VPS13C: variants seen among roughly 807,000 people sequenced by gnomAD.
VPS13C encodes intermembrane lipid transfer protein VPS13C.
Under a neutral mutation model 456.8 loss-of-function variants are expected in VPS13C, and 358 were observed. The observed-to-expected ratio is 0.78, with a 90% confidence interval of 0.72 to 0.86. The LOEUF is 0.86. Among genes scored for constraint, VPS13C ranks in the 40% least tolerant of loss-of-function variants. The pLI, the probability that VPS13C is intolerant of heterozygous loss-of-function variation, is 0.00. For synonymous variants in VPS13C, 1,578 were observed against 1,486.7 expected, an observed-to-expected ratio of 1.06 and a Z score of -1.41; for missense variants, 4,818 against 4,385.4, an observed-to-expected ratio of 1.10 and a Z score of -2.79.
intron 35 of VPS13C, among the ~76,000 whole-genome samples, chr15:61,961,145 T>C (rs2045185140): frequency 6.6e-6 from 1 of 150,990 alleles, no homozygotes; most frequent in Admixed American, 6.6e-5. Flanking sequence ...TCCCAGCACT[T>C]TGGGGGTCCA....
chr15:61,856,474 T>C, intron 82 of VPS13C, 65 bp from the exon 83 acceptor site: 1 of 1,588,142 alleles, frequency 6.3e-7, no homozygotes, highest in Non-Finnish European at 8.6e-7. Flanking sequence ...TTGCCAATAT[T>C]TCACCCTACT....
At chr15:61,952,034 G>A (rs193281537) in intron 38 of VPS13C, 54 bp from the exon 39 acceptor site, 111 of 1,569,006 alleles carry the variant, frequency 7.1e-5, no homozygotes, top group East Asian at 2.9e-4. Context: ...TGCAATGAAG[G>A]TAAGTCAAGA....
At position 61,978,602 on chromosome 15, in the gene VPS13C, C is replaced by A. The variant is rs369078477; in HGVS notation, c.2290+24G>T. 5.6e-5 allele frequency: 90 copies of A among 1,604,978 alleles called. No homozygotes were observed. The African/African-American group carries it at 1.1e-3, about 20-fold the overall frequency. On this transcript the variant is annotated intron_variant, in intron 23 of 84. Transcript: ENST00000644861. ...AAACTACCCATCATAATCCCAAGAT[C>A]CTAAAAGCTGAATAACGGTTTACCT...
Position 61,931,129 on chromosome 15 carries a change from A to G in VPS13C, c.5999T>C (p.Leu2000Pro). ...CTCAATTCCTTCTCTGAGATCATCA[A>G]GGGTGCATGTCTTAAGTTTAACGCT... ...NVSVKLKTCT[L>P]DDLREGIERA... Residue 2000 changes from leucine to proline, a missense_variant, in exon 50 of 85, where the codon CTT (leucine) becomes CCT (proline). Leu to Pro is a moderately conservative substitution (Grantham distance 98). Coordinates refer to ENST00000644861, the MANE Select transcript of VPS13C (RefSeq NM_020821.3). 6.2e-7 allele frequency: 1 copy of G among 1,614,128 alleles called. No homozygotes were observed.
rs142926355 is a variant in VPS13C at position 62,046,470 on chromosome 15, T to G, written c.101-2215A>C. 6.4e-3 allele frequency among the ~76,000 whole-genome samples: 974 copies of G among 152,286 alleles called. 8 individuals carry two copies. Among genetic ancestry groups the G allele is most frequent in the African/African-American group, 0.022 (920 of 41,558 alleles). On this transcript the variant is annotated intron_variant, in intron 1 of 84. Transcript: ENST00000644861. Reference sequence around the variant, plus strand: ...TGTCACATGATGAATTACACAAAATTACAATTGGGAAGTCTATTCTAGCCT... The same window carrying G: ...TGTCACATGATGAATTACACAAAATGACAATTGGGAAGTCTATTCTAGCCT...
chr15:61,873,153 G>T, intron 78 of VPS13C, 93 bp downstream of exon 78: 1 of 1,548,458 alleles, frequency 6.5e-7, no homozygotes, highest in South Asian at 1.2e-5. Flanking sequence ...TACAGGCCTA[G>T]ACTCATAAGC....
Position 61,949,482 on chromosome 15 carries a change from G to GT in VPS13C, c.4719dup (p.Pro1574ThrfsTer25). On this transcript the variant is annotated frameshift_variant, in exon 42 of 85. Transcript: ENST00000644861. LOFTEE classifies it high-confidence loss of function. ...ATACTTCTGGACTCCCCCACAAGTG[G>GT]TTTCAGCTCGGATTCCTTCTCAGAA... 6.2e-7 allele frequency: 1 copy of GT among 1,613,492 alleles called. No individual in the cohort carries two copies. Among genetic ancestry groups the GT allele is most frequent in the African/African-American group, 1.3e-5 (1 of 75,000 alleles).
chr15:61,865,190 A>T, intron 81 of VPS13C: 2 of 984,900 alleles, frequency 2.0e-6, no homozygotes, highest in Non-Finnish European at 1.2e-6. Flanking sequence ...ATACTTTGCA[A>T]AAGCCCTTTA....
rs1432174471 is a variant in VPS13C at position 61,925,443 on chromosome 15, G to C, written c.6609+13C>G. On this transcript the variant is annotated intron_variant, in intron 53 of 84. Transcript: ENST00000644861. ...ATAAGAATTTTCACTCAAAGAATAT[G>C]GTAAGTACTAACCTTAATTATAAAT... 3 of 1,458,182 alleles carry C rather than the reference G, an allele frequency of 2.1e-6. No homozygotes were observed. The highest frequency in any genetic ancestry group is 2.4e-5 in the East Asian group (1 of 41,466). 90.3% of individuals were successfully genotyped at this position (1,458,182 alleles called of 1,614,324 possible). A position where few individuals can be genotyped will look rare whatever the true frequency, so the allele number is the denominator to read the frequency against.
chr15:61,918,310 A>G, intron 58 of VPS13C, 53 bp from the exon 59 acceptor site: 3 of 1,423,182 alleles, frequency 2.1e-6, no homozygotes, highest in Non-Finnish European at 2.8e-6. Flanking sequence ...AGTTCGAAAG[A>G]AAAAATGAGA....
chr15:61,877,493 C>G (rs773183963), intron 74 of VPS13C, among the ~76,000 whole-genome samples: 4 of 111,158 alleles, frequency 3.6e-5, no homozygotes, highest in African/African-American at 5.4e-5. Flanking sequence ...AGTGTCGTAA[C>G]AAACAATTCT....
intron 18 of VPS13C, among the ~76,000 whole-genome samples, chr15:61,987,921 A>G (rs572106167): frequency 1.3e-5 from 2 of 152,280 alleles, no homozygotes; most frequent in East Asian, 3.9e-4. Context: ...TCCACCAAAG[A>G]CTTGTACAAG....
At chr15:61,977,730 A>G (rs983154808) in intron 23 of VPS13C, among the ~76,000 whole-genome samples, 1 of 152,058 alleles carries the variant, frequency 6.6e-6, no homozygotes, top group East Asian at 1.9e-4. Context: ...ATTTTCCAAC[A>G]ACTAATAGAG....
intron 5 of VPS13C, among the ~76,000 whole-genome samples, chr15:62,032,718 C>T (rs907813527): frequency 1.3e-5 from 2 of 151,630 alleles, no homozygotes; most frequent in African/African-American, 4.8e-5. Flanking sequence ...AAAATATATA[C>T]ACATGCCACC....
intron 2 of VPS13C, among the ~76,000 whole-genome samples, 154 bp from the exon 3 acceptor site, chr15:62,041,520 C>CA (rs2048240358): frequency 6.6e-6 from 1 of 151,938 alleles, no homozygotes; most frequent in Admixed American, 6.6e-5. Context: ...GTTTTATAGC[C>CA]AAAAAACGTT....
chr15:62,047,435 C>CA (rs60377771), intron 1 of VPS13C, among the ~76,000 whole-genome samples: 12,446 of 133,672 alleles, frequency 0.093, 1,115 homozygotes, highest in African/African-American at 0.24. Flanking sequence ...GACTCCATCT[C>CA]AAAAAAAAAA....
At chr15:61,918,291 A>T in intron 58 of VPS13C, 34 bp from the exon 59 acceptor site, 1 of 1,502,394 alleles carries the variant, frequency 6.7e-7, no homozygotes, top group African/African-American at 1.4e-5. Flanking sequence ...GTTTTTTAAA[A>T]GATATGTAAG....
intron 82 of VPS13C, among the ~76,000 whole-genome samples, chr15:61,861,454 T>TA (rs2140844726): frequency 6.6e-6 from 1 of 152,330 alleles, no homozygotes; most frequent in East Asian, 1.9e-4. Context: ...GTATGGCCCT[T>TA]AAAGTCTAAA....
In VPS13C at chr15:61,951,966, C is replaced by T. The variant is rs189815229; in HGVS notation, c.4314G>A (p.Leu1438=). The T allele has an allele frequency of 6.2e-7, 1 of 1,612,336 alleles. No individual in the cohort carries two copies. Among genetic ancestry groups the T allele is most frequent in the East Asian group, 2.2e-5 (1 of 44,798 alleles). ...NFEIKEVVVT[L]MKKSEKKGRP... ...TTCCTTTCTTTTCTGATTTTTTCAT[C>T]AAAGTAACCACAACCTAAAAAACGG... The change falls in exon 39 of 85, where the codon TTG becomes TTA. Residue 1438 remains leucine, a synonymous_variant. Coordinates refer to ENST00000644861, the MANE Select transcript of VPS13C (RefSeq NM_020821.3).
Sources: allele counts gnomAD v4.1 joint callset (sites outside exome capture counted in the v4.1 genomes callset), GRCh38; gene constraint gnomAD v4.1.1; transcripts MANE v1.5; gene names NCBI Gene and HGNC (gene_info 2026-07-23, HGNC 2026-07-21).